The following ZNF410 variants were observed in gnomAD, a reference collection of about 807,000 sequenced individuals.
ZNF410 encodes the protein another partner for ARF 1.
In ZNF410, 18 loss-of-function variants were observed where a neutral mutation model predicts 54.8. The observed-to-expected ratio is 0.33, with a 90% confidence interval of 0.23 to 0.49. The LOEUF (loss-of-function observed/expected upper bound fraction) is 0.49. Among genes scored for constraint, ZNF410 ranks in the 20% least tolerant of loss-of-function variants. ZNF410 has a pLI of 0.99. For synonymous variants in ZNF410, 191 were observed against 207.3 expected (o/e 0.92, Z 0.68); for missense variants, 405 against 569.6 (o/e 0.71, Z 2.94).
At chr14:73,926,273 C>T (rs1476809465) in intron 11 of ZNF410, among the ~76,000 whole-genome samples, 2 of 151,920 alleles carry the variant, frequency 1.3e-5, no homozygotes, top group African/African-American at 4.8e-5. Context: ...TTCTTTTTTT[C>T]CTCCCCCTCA....
chr14:73,915,381 A>G (rs2055649143), intron 8 of ZNF410, among the ~76,000 whole-genome samples: 1 of 150,696 alleles, frequency 6.6e-6, no homozygotes, highest in African/African-American at 2.4e-5. Flanking sequence ...TCTGTTGCCC[A>G]GGCTGGAGTG....
chr14:73,917,922 A>G (rs2055692230), intron 8 of ZNF410, among the ~76,000 whole-genome samples: 1 of 152,190 alleles, frequency 6.6e-6, no homozygotes, highest in Admixed American at 6.5e-5. Flanking sequence ...CCCCACAGAT[A>G]CCAAAATCCA....
chr14:73,928,498 C>T (rs1417993133), intron 11 of ZNF410, among the ~76,000 whole-genome samples: 2 of 152,154 alleles, frequency 1.3e-5, no homozygotes, highest in Middle Eastern at 3.2e-3. Flanking sequence ...TAGGGTATGA[C>T]GTGATCAGAT....
At chr14:73,900,448 C>T (rs561227808) in intron 5 of ZNF410, among the ~76,000 whole-genome samples, 1 of 150,638 alleles carries the variant, frequency 6.6e-6, no homozygotes, top group African/African-American at 2.4e-5. Flanking sequence ...AATCTCGGCT[C>T]ACTGCAAACT....
At position 73,893,941 on chromosome 14, in the gene ZNF410, T is replaced by C. The variant is rs773375371; in HGVS notation, c.169+9T>C. On this transcript the variant is annotated intron_variant, in intron 3 of 11. Transcript: ENST00000555044. ...TCGGCTAATGTTACCAGGTAAAAAT[T>C]AAGATCACTAGAAATAGGATAAAGA... 1.3e-5 allele frequency: 21 copies of C among 1,605,838 alleles called. No homozygotes were observed. Among genetic ancestry groups the C allele is most frequent in the Non-Finnish European group, 1.5e-5 (18 of 1,177,336 alleles).
chr14:73,902,939 A>T (rs2055429919), intron 5 of ZNF410, among the ~76,000 whole-genome samples: 1 of 151,494 alleles, frequency 6.6e-6, no homozygotes, highest in African/African-American at 2.4e-5. Context: ...TTTAAAAATC[A>T]TCTGAGTTTT....
At position 73,931,574 on chromosome 14, in the gene ZNF410, A is replaced by G. The variant is rs1349859706; in HGVS notation, c.*33A>G. 6 of 1,604,852 alleles carry G rather than the reference A, an allele frequency of 3.7e-6. No individual in the cohort carries two copies. The highest frequency in any genetic ancestry group is 1.7e-5 in the Admixed American group (1 of 58,708). On this transcript the variant is annotated 3_prime_UTR_variant, in exon 12 of 12. Coordinates refer to ENST00000555044, the MANE Select transcript of ZNF410 (RefSeq NM_021188.3). The stretch of plus-strand genomic sequence containing the variant: ...TGCTGACTCCTGGAAGAGCAACTCT[A>G]TCTGATCTCAAAATGCGTATACTGG...
rs1566659227 is a variant in ZNF410, at chr14:73,909,395, A to G, written c.968A>G (p.Tyr323Cys). The change falls in exon 8 of 12, where the codon TAT becomes TGT. Residue 323 changes from tyrosine (Y) to cysteine (C), a missense_variant. Physicochemically the swap from Tyr to Cys is radical, Grantham distance 194. This residue lies in a region of ZNF410 where 31 missense variants were observed against 85.5 expected (regional missense o/e 0.36). Coordinates refer to ENST00000555044, the MANE Select transcript of ZNF410 (RefSeq NM_021188.3). ...AQGCGRSFAE[Y>C]SSLRKHLVVH... ...GGATGTGGCCGTTCCTTTGCTGAGT[A>G]TTCTAGCCTCCGAAAACATCTGGTG... 1 of 1,614,136 alleles carries G rather than the reference A, an allele frequency of 6.2e-7. No individual in the cohort carries two copies. The highest frequency in any genetic ancestry group is 8.5e-7 in the Non-Finnish European group (1 of 1,180,010).
intron 1 of ZNF410, among the ~76,000 whole-genome samples, chr14:73,891,390 GT>G (rs1207696785): frequency 6.6e-6 from 1 of 152,116 alleles, no homozygotes; most frequent in Non-Finnish European, 1.5e-5. Context: ...GTCTTGCTCT[GT>G]CGCCCAGGCT....
intron 6 of ZNF410, among the ~76,000 whole-genome samples, chr14:73,904,447 C>CCAAAA (rs2055451756): frequency 6.6e-6 from 1 of 152,072 alleles, no homozygotes; most frequent in South Asian, 2.1e-4. Flanking sequence ...TGGTGCTAGG[C>CCAAAA]ATCTGTAGTT....
At chr14:73,894,297 A>C in intron 3 of ZNF410, 1 of 698,876 alleles carries the variant, frequency 1.4e-6, no homozygotes, top group South Asian at 1.5e-5. Flanking sequence ...TCATTGTATC[A>C]AATGCTACTG....
chr14:73,922,182 A>G lies in ZNF410; in HGVS notation c.1246A>G (p.Asn416Asp), dbSNP rs2055766048. The part of the protein sequence containing the change: ...GGESLNLPNT[N>D]SILGVDDEVL... The stretch of plus-strand genomic sequence containing the variant: ...AGAGTCCTTGAACCTACCAAATACC[A>G]ATTCTATCCTGGGAGTTGATGATGG... Residue 416 changes from asparagine (N) to aspartate (D), a missense_variant, in exon 10 of 12, where the codon AAT becomes GAT. Physicochemically the swap from Asn to Asp is conservative, Grantham distance 23. Transcript: ENST00000555044. The G allele has an allele frequency of 1.2e-6, 2 of 1,613,742 alleles. No individual in the cohort carries two copies. The highest frequency in any genetic ancestry group is 1.7e-6 in the Non-Finnish European group (2 of 1,179,890).
At chr14:73,914,578 C>T (rs2055634024) in intron 8 of ZNF410, 1 of 151,586 alleles carries the variant, frequency 6.6e-6, no homozygotes, top group Non-Finnish European at 1.5e-5. Flanking sequence ...TCTCAGCCTT[C>T]CAATGTCGGG....
intron 11 of ZNF410, among the ~76,000 whole-genome samples, chr14:73,926,265 C>T (rs2055828875): frequency 6.6e-6 from 1 of 152,060 alleles, no homozygotes; most frequent in African/African-American, 2.4e-5. Context: ...AGTCTATGTT[C>T]TTTTTTTCCT....
chr14:73,922,346 C>A, intron 10 of ZNF410, 140 bp downstream of exon 10: 1 of 889,202 alleles, frequency 1.1e-6, no homozygotes, highest in Non-Finnish European at 1.6e-6. Flanking sequence ...TTCTTATTCT[C>A]TGGGGTGGAT....
At position 73,898,059 on chromosome 14, in the gene ZNF410, T is replaced by C. The variant is rs764168287; in HGVS notation, c.389-12T>C. ...TTGGTTTCTAACTTTTCATATATTT[T>C]GTTTCTTCCAGGTCTGGGCTCTTCA... On this transcript the variant is annotated splice_polypyrimidine_tract_variant and intron_variant, in intron 4 of 11. Transcript: ENST00000555044. 1.9e-6 allele frequency: 3 copies of C among 1,600,566 alleles called. No individual in the cohort carries two copies. The highest frequency in any genetic ancestry group is 8.5e-7 in the Non-Finnish European group (1 of 1,171,832).
At position 73,892,057 on chromosome 14, in the gene ZNF410, C is replaced by T; in HGVS notation, c.-119C>T. 2 of 1,156,110 alleles carry T rather than the reference C, an allele frequency of 1.7e-6. No homozygotes were observed. The highest frequency in any genetic ancestry group is 1.3e-6 in the Non-Finnish European group (1 of 763,318). 71.6% of individuals were successfully genotyped at this position (1,156,110 alleles called of 1,614,324 possible). Reference sequence around the variant, plus strand: ...ATTGATTACCCACCTAGTACAACATCTTACGGGAAGAGCATAGTATTTCCT... The same window carrying T: ...ATTGATTACCCACCTAGTACAACATTTTACGGGAAGAGCATAGTATTTCCT... On this transcript the variant is annotated 5_prime_UTR_variant, in exon 2 of 12. Transcript: ENST00000555044.
At chr14:73,911,005 AGTTT>A (rs2055569620) in intron 8 of ZNF410, among the ~76,000 whole-genome samples, 1 of 152,058 alleles carries the variant, frequency 6.6e-6, no homozygotes, top group Non-Finnish European at 1.5e-5. Flanking sequence ...TAGCCTTGTA[AGTTT>A]GTTGGAGGTG....
At chr14:73,897,962 A>ACGC in intron 4 of ZNF410, 109 bp from the exon 5 acceptor site, 1 of 1,014,582 alleles carries the variant, frequency 9.9e-7, no homozygotes, top group African/African-American at 1.9e-5. Context: ...ACAGAGCGAG[A>ACGC]CGCCGTCTCA....
Sources: gnomAD v4.1 joint callset for allele counts (sites outside exome capture counted in the v4.1 genomes callset) on GRCh38, gnomAD v4.1.1 for gene constraint, gnomAD v4.1.1 regional missense constraint, MANE v1.5 for transcripts, NCBI Gene and HGNC (gene_info 2026-07-23, HGNC 2026-07-21) for gene names.